The following RTN4RL1 variants were observed in gnomAD, a reference collection of about 807,000 sequenced individuals.
The protein encoded by RTN4RL1 is reticulon 4 receptor like 1.
RTN4RL1 carries 7 observed loss-of-function variants against 25.6 expected under a neutral mutation model. The observed-to-expected ratio is 0.27, with a 90% CI of 0.16 to 0.51. The LOEUF (loss-of-function observed/expected upper bound fraction) is 0.51. Among genes scored for constraint, RTN4RL1 ranks in the 20% least tolerant of loss-of-function variants. The pLI, the probability that RTN4RL1 is intolerant of heterozygous loss-of-function variation, is 0.97. For missense variants in RTN4RL1, 500 were observed against 615.6 expected (o/e 0.81, Z 1.99); for synonymous variants, 297 against 288.2 (o/e 1.03, Z -0.31).
At chr17:2,023,655 G>T (rs991491552) in intron 1 of RTN4RL1, 4 of 151,936 alleles carry the variant, frequency 2.6e-5, no homozygotes, top group African/African-American at 9.7e-5. Flanking sequence ...CCCATCTTAG[G>T]GCTTCGCTTC....
At position 2,025,186 on chromosome 17, in the gene RTN4RL1, G is replaced by T. The variant is rs1022198360; in HGVS notation, c.-321C>A. On this transcript the variant is annotated 5_prime_UTR_variant, in exon 1 of 2. Coordinates refer to ENST00000331238, the MANE Select transcript of RTN4RL1 (RefSeq NM_178568.4). The surrounding 1 kb of genome is among the most constrained non-coding windows in gnomAD (Gnocchi z 4.8). Reference sequence around the variant, plus strand: ...GAGCACTTCGCAGGCGGTTTTGAGGGGGGACGCCGCCCCCTGGCCGGCCGG... The same window carrying T: ...GAGCACTTCGCAGGCGGTTTTGAGGTGGGACGCCGCCCCCTGGCCGGCCGG... The T allele has an allele frequency of 2.4e-5, 6 of 246,052 alleles. No individual in the cohort carries two copies. The highest frequency in any genetic ancestry group is 4.7e-5 in the Non-Finnish European group (6 of 128,522). The allele number at this position is 246,052 out of a possible 1,614,324, so 15.2% of individuals were successfully genotyped here. A position where few individuals can be genotyped will look rare whatever the true frequency, so the allele number is the denominator to read the frequency against.
rs762746649 is a variant in RTN4RL1, at chr17:1,936,883, G to C, written c.939C>G (p.Ile313Met). 2 of 1,604,128 alleles carry C rather than the reference G, an allele frequency of 1.2e-6. No homozygotes were observed. Among genetic ancestry groups the C allele is most frequent in the East Asian group, 4.5e-5 (2 of 44,744 alleles). The change falls in exon 2 of 2, where the codon ATC becomes ATG. Residue 313 changes from isoleucine (I) to methionine (M), a missense_variant. This residue lies in a region of RTN4RL1 where 268 missense variants were observed against 274.5 expected (regional missense o/e 0.98). Transcript: ENST00000331238. Reference protein sequence around the residue: ...NCTGPASPHQIKSHTLTTTDR... With the variant: ...NCTGPASPHQMKSHTLTTTDR... ...CGGTGGTGGTGAGCGTGTGTGACTT[G>C]ATCTGGTGCGGGGACGCTGGTCCCG...
intron 1 of RTN4RL1, among the ~76,000 whole-genome samples, chr17:2,004,542 G>T (rs2066980941): frequency 6.6e-6 from 1 of 152,196 alleles, no homozygotes; most frequent in African/African-American, 2.4e-5. Flanking sequence ...TGGACTGGCA[G>T]TTCTTGGATG....
intron 1 of RTN4RL1, among the ~76,000 whole-genome samples, chr17:1,967,176 T>A (rs1010212927): frequency 3.3e-5 from 5 of 151,524 alleles, no homozygotes; most frequent in African/African-American, 1.2e-4. Context: ...GGGCCCTGGG[T>A]TATCAATTCT....
At chr17:1,945,156 C>T (rs999593853) in intron 1 of RTN4RL1, among the ~76,000 whole-genome samples, 3 of 152,184 alleles carry the variant, frequency 2.0e-5, no homozygotes, top group Non-Finnish European at 2.9e-5. Context: ...CCCCACCATT[C>T]GCAGCTGTCC....
chr17:1,966,775 C>T (rs1000623076), intron 1 of RTN4RL1, among the ~76,000 whole-genome samples: 2 of 152,136 alleles, frequency 1.3e-5, no homozygotes, highest in African/African-American at 4.8e-5. Context: ...GGAATGGAGC[C>T]ACTACTGGTT....
At chr17:1,939,466 TG>T (rs1365542778) in intron 1 of RTN4RL1, among the ~76,000 whole-genome samples, 4 of 152,136 alleles carry the variant, frequency 2.6e-5, no homozygotes, top group Non-Finnish European at 5.9e-5. Context: ...TGTGAAGGTC[TG>T]GGGGTGGCAC....
At chr17:1,954,436 T>G (rs1182377597) in intron 1 of RTN4RL1, among the ~76,000 whole-genome samples, 1 of 143,460 alleles carries the variant, frequency 7.0e-6, no homozygotes, top group East Asian at 2.2e-4. Flanking sequence ...CCACCCAGAC[T>G]GGAGTGCAGT....
chr17:2,007,375 C>CACAG (rs1555521080), intron 1 of RTN4RL1, among the ~76,000 whole-genome samples: 3 of 148,336 alleles, frequency 2.0e-5, no homozygotes, highest in Admixed American at 1.4e-4. Flanking sequence ...CACACACACA[C>CACAG]TCTTCCTCTC....
intron 1 of RTN4RL1, among the ~76,000 whole-genome samples, chr17:2,011,119 C>T (rs1282671640): frequency 1.3e-5 from 2 of 152,094 alleles, no homozygotes; most frequent in Non-Finnish European, 2.9e-5. Flanking sequence ...GGCGTGATGG[C>T]GCATGCCTGT....
intron 1 of RTN4RL1, among the ~76,000 whole-genome samples, chr17:1,964,351 G>A (rs2066779469): frequency 6.6e-6 from 1 of 152,178 alleles, no homozygotes; most frequent in African/African-American, 2.4e-5. Context: ...TCTTTGAGAG[G>A]CTGAAGTGGG....
chr17:1,948,208 C>T lies in RTN4RL1; in HGVS notation c.14-10400G>A, dbSNP rs567230890. 1.3e-4 allele frequency among the ~76,000 whole-genome samples: 20 copies of T among 152,322 alleles called. No individual in the cohort carries two copies. The East Asian group carries it at 3.9e-3, about 29-fold the overall frequency. On this transcript the variant is annotated intron_variant, in intron 1 of 1. Coordinates refer to ENST00000331238, the MANE Select transcript of RTN4RL1 (RefSeq NM_178568.4). ...CAGCGCACTGACCTCTCTACTGGGC[C>T]CTCTCTCCCCATCGAGCCAGCCCCA...
rs748698371 is a variant in RTN4RL1 at position 1,937,086 on chromosome 17, C to T, written c.736G>A (p.Ala246Thr). The change falls in exon 2 of 2, where the codon GCC (alanine) becomes ACC (threonine). Residue 246 changes from alanine (A) to threonine (T), a missense_variant. Around this residue, in one of 2 missense-constraint regions of RTN4RL1, gnomAD observed 232 missense variants for 341.1 expected, o/e 0.68. Transcript: ENST00000331238. ...LQGECLAPLG[A>T]LEFLRLNGNP... is the part of the protein sequence containing the mutation. ...CCGTTGAGGCGGAGGAACTCCAGGG[C>T]CCCCAGCGGGGCCAGGCACTCACCC... 2 of 1,606,082 alleles carry T rather than the reference C, an allele frequency of 1.2e-6. No homozygotes were observed. The highest frequency in any genetic ancestry group is 1.7e-6 in the Non-Finnish European group (2 of 1,177,504).
Position 1,988,725 on chromosome 17 carries a change from G to A in RTN4RL1, c.13+36128C>T, listed in dbSNP as rs151295140. Among the ~76,000 whole-genome samples the A allele has an allele frequency of 5.8e-3, 890 of 152,220 alleles. 10 individuals are homozygous for A. The highest frequency in any genetic ancestry group is 0.02 in the African/African-American group (844 of 41,532). ...ACTTATAACTGGGGGACCTGACCTC[G>A]TCTGGAAGGCTCAGGACCACTTCCC... On this transcript the variant is annotated intron_variant, in intron 1 of 1. Coordinates refer to ENST00000331238, the MANE Select transcript of RTN4RL1 (RefSeq NM_178568.4).
At chr17:1,954,383 CTTTT>C (rs55654151) in intron 1 of RTN4RL1, among the ~76,000 whole-genome samples, 9 of 124,322 alleles carry the variant, frequency 7.2e-5, no homozygotes, top group East Asian at 4.6e-4. Flanking sequence ...TGCTTCCTTC[CTTTT>C]TTTTTTTTTT....
At chr17:2,017,286 G>A (rs988114213) in intron 1 of RTN4RL1, among the ~76,000 whole-genome samples, 9 of 152,222 alleles carry the variant, frequency 5.9e-5, no homozygotes, top group Non-Finnish European at 1.2e-4. Flanking sequence ...AAAGACCCTT[G>A]CTCACGTAGT....
chr17:1,968,332 C>A (rs1004784965), intron 1 of RTN4RL1, among the ~76,000 whole-genome samples: 3 of 152,150 alleles, frequency 2.0e-5, no homozygotes, highest in Non-Finnish European at 4.4e-5. Context: ...AAACCCAGGA[C>A]GCTGCCTTCT....
At chr17:1,988,410 A>G (rs1176091881) in intron 1 of RTN4RL1, among the ~76,000 whole-genome samples, 1 of 149,524 alleles carries the variant, frequency 6.7e-6, no homozygotes, top group Non-Finnish European at 1.5e-5. Flanking sequence ...CCTCAAAAAA[A>G]AAAAAAAAAA....
At chr17:2,021,551 CTTTTT>C (rs767770637) in intron 1 of RTN4RL1, among the ~76,000 whole-genome samples, 7 of 106,200 alleles carry the variant, frequency 6.6e-5, no homozygotes, top group Admixed American at 1.2e-4. Flanking sequence ...CATCCTATAC[CTTTTT>C]TTTTTTTTTT....
Sources: gnomAD v4.1 joint callset for allele counts (sites outside exome capture counted in the v4.1 genomes callset) on GRCh38, gnomAD v4.1.1 for gene constraint, gnomAD v4.1.1 regional missense constraint, Gnocchi (gnomAD v3.1) non-coding constraint, MANE v1.5 for transcripts, NCBI Gene and HGNC (gene_info 2026-07-23, HGNC 2026-07-21) for gene names.